The following PRKCA variants were observed in gnomAD, a reference collection of about 807,000 sequenced individuals.
The protein encoded by PRKCA is protein kinase C alpha.
A neutral mutation model predicts 87.0 loss-of-function variants in PRKCA; 27 were observed. The observed-to-expected ratio is 0.31, with a 90% CI of 0.23 to 0.43. The LOEUF is 0.43. Among genes scored for constraint, PRKCA ranks in the 20% least tolerant of loss-of-function variants. The pLI is 1.00. For synonymous variants in PRKCA, 329 were observed against 311.1 expected (o/e 1.06, Z -0.61); for missense variants, 518 against 852.3 (o/e 0.61, Z 4.88).
At chr17:66,793,194 AC>A in intron 16 of PRKCA, among the ~76,000 whole-genome samples, 1 of 152,276 alleles carries the variant, frequency 6.6e-6, no homozygotes, top group African/African-American at 2.4e-5. Context: ...GGACATGAGG[AC>A]GGTCAGCTCA....
At chr17:66,454,099 A>T (rs1307303490) in intron 2 of PRKCA, among the ~76,000 whole-genome samples, 1 of 152,252 alleles carries the variant, frequency 6.6e-6, no homozygotes. Context: ...AGCAGAATTA[A>T]TCTGAAATGA....
Position 66,788,925 on chromosome 17 carries a change from C to T in PRKCA, c.1800C>T (p.Ile600=), listed in dbSNP as rs1454458654. 7 of 1,613,906 alleles carry T rather than the reference C, an allele frequency of 4.3e-6. No homozygotes were observed. Among genetic ancestry groups the T allele is most frequent in the South Asian group, 1.1e-5 (1 of 91,062 alleles). ...GAGAGCATGCCTTCTTCCGGAGGAT[C>T]GACTGGGAAAAACTGGAGAACAGGG... is the stretch of plus-strand genomic sequence containing the variant. ...DVREHAFFRR[I]DWEKLENREI... The change falls in exon 16 of 17, where the codon ATC becomes ATT. Residue 600 remains isoleucine (I), a synonymous_variant. Transcript: ENST00000413366.
chr17:66,677,301 A>C (rs2143982126), intron 5 of PRKCA: 1 of 152,328 alleles, frequency 6.6e-6, no homozygotes, highest in South Asian at 2.1e-4. Flanking sequence ...GCTGGTCTCA[A>C]GCTCCTGAGC....
At chr17:66,347,259 C>T in intron 2 of PRKCA, among the ~76,000 whole-genome samples, 1 of 152,172 alleles carries the variant, frequency 6.6e-6, no homozygotes, top group East Asian at 1.9e-4. Flanking sequence ...TGTTTTACAT[C>T]CCTCTTCTGT....
Position 66,637,190 on chromosome 17 carries a change from A to G in PRKCA, c.289-4165A>G, listed in dbSNP as rs1052563950. ...AGTGAGTTGCCTGTGTGCCACATCA[A>G]TGGAGATCTATGTGACAACCAACTG... is the stretch of plus-strand genomic sequence containing the variant. On this transcript the variant is annotated intron_variant, in intron 3 of 16. Transcript: ENST00000413366. 7.1e-4 allele frequency among the ~76,000 whole-genome samples: 108 copies of G among 152,258 alleles called. 1 individual carries two copies. Among genetic ancestry groups the G allele is most frequent in the Non-Finnish European group, 3.4e-4 (23 of 68,016 alleles).
rs199510095 is a variant in PRKCA, at chr17:66,342,441, A to AAATAAT, written c.205+36353_205+36358dup. 6.6e-3 allele frequency among the ~76,000 whole-genome samples: 937 copies of AAATAAT among 142,950 alleles called. 7 individuals are homozygous for AAATAAT. Among genetic ancestry groups the AAATAAT allele is most frequent in the South Asian group, 0.013 (56 of 4,472 alleles). The allele number at this position is 142,950 out of a possible 152,430, so 93.8% of individuals were successfully genotyped here. On this transcript the variant is annotated intron_variant, in intron 2 of 16. Transcript: ENST00000413366. ...CATCTCAAAAAAAATAAAATAAAAT[A>AAATAAT]AATAATAATAATAATAATAATAATA...
intron 2 of PRKCA, among the ~76,000 whole-genome samples, chr17:66,327,898 T>G (rs2143261187): frequency 6.6e-6 from 1 of 152,268 alleles, no homozygotes; most frequent in South Asian, 2.1e-4. Flanking sequence ...TGAGACTACC[T>G]CTGCTGGAAT....
rs79267257 is a variant in PRKCA at position 66,420,666 on chromosome 17, T to C, written c.206-75535T>C. Among the ~76,000 whole-genome samples, 337 of 152,282 alleles carry C rather than the reference T, an allele frequency of 2.2e-3. 1 individual carries two copies. Among genetic ancestry groups the C allele is most frequent in the African/African-American group, 7.7e-3 (320 of 41,560 alleles). On this transcript the variant is annotated intron_variant, in intron 2 of 16. Transcript: ENST00000413366. ...GTTAGGTGTATTAAATGCACGACAA[T>C]ACTTTCAATATATGGTGGTTTTTCG... is the stretch of plus-strand genomic sequence containing the variant.
chr17:66,739,551 G>A (rs371421840), intron 11 of PRKCA, among the ~76,000 whole-genome samples: 13 of 152,252 alleles, frequency 8.5e-5, no homozygotes, highest in Admixed American at 5.2e-4. Context: ...TTAATAGTGC[G>A]TTGCTGTAAC....
At chr17:66,443,558 G>A (rs1306819304) in intron 2 of PRKCA, among the ~76,000 whole-genome samples, 2 of 152,186 alleles carry the variant, frequency 1.3e-5, no homozygotes, top group African/African-American at 4.8e-5. Flanking sequence ...GCAGGTAAAT[G>A]TCTGTTATGG....
Position 66,581,114 on chromosome 17 carries a change from T to C in PRKCA, c.289-60241T>C, listed in dbSNP as rs73342564. Among the ~76,000 whole-genome samples, 495 of 152,354 alleles carry C rather than the reference T, an allele frequency of 3.2e-3. 4 individuals carry two copies. Among genetic ancestry groups the C allele is most frequent in the African/African-American group, 0.012 (480 of 41,584 alleles). Reference sequence around the variant, plus strand: ...ACTGTGTTGTTTATAAATTGTTTTATGAGTGCATTAGTGCCTTGTTTATTT... The same window carrying C: ...ACTGTGTTGTTTATAAATTGTTTTACGAGTGCATTAGTGCCTTGTTTATTT... On this transcript the variant is annotated intron_variant, in intron 3 of 16. Coordinates refer to ENST00000413366, the MANE Select transcript of PRKCA (RefSeq NM_002737.3).
intron 3 of PRKCA, among the ~76,000 whole-genome samples, chr17:66,505,469 C>T (rs952552071): frequency 3.3e-5 from 5 of 152,196 alleles, no homozygotes; most frequent in African/African-American, 9.6e-5. Context: ...CACCTGGGGG[C>T]TTGTCAGCTG....
chr17:66,454,924 G>A (rs1211371625), intron 2 of PRKCA, among the ~76,000 whole-genome samples: 1 of 152,222 alleles, frequency 6.6e-6, no homozygotes, highest in African/African-American at 2.4e-5. Flanking sequence ...TGGGCCCTGG[G>A]GTGAGCCAGG....
At chr17:66,467,147 A>G (rs937182286) in intron 2 of PRKCA, among the ~76,000 whole-genome samples, 2 of 152,084 alleles carry the variant, frequency 1.3e-5, no homozygotes, top group African/African-American at 4.8e-5. Context: ...ATGTTGCCTC[A>G]TGCGCAGGAG....
At chr17:66,575,342 G>T (rs1012559344) in intron 3 of PRKCA, among the ~76,000 whole-genome samples, 4 of 152,222 alleles carry the variant, frequency 2.6e-5, no homozygotes. Flanking sequence ...ATTTTGGGAG[G>T]CCGCGGTGGG....
chr17:66,567,382 C>G lies in PRKCA; in HGVS notation c.288+71099C>G, dbSNP rs182186882. Among the ~76,000 whole-genome samples the G allele has an allele frequency of 3.9e-5, 6 of 152,194 alleles. 1 individual carries two copies. The East Asian group carries it at 1.2e-3, about 29-fold the overall frequency. On this transcript the variant is annotated intron_variant, in intron 3 of 16. Coordinates refer to ENST00000413366, the MANE Select transcript of PRKCA (RefSeq NM_002737.3). ...AGCCTCCTGGCTTCTGTGTGGCGAC[C>G]GAGACTGACCCCTGCTGGCAGATTG...
intron 5 of PRKCA, among the ~76,000 whole-genome samples, chr17:66,681,992 G>A (rs1377964497): frequency 6.6e-6 from 1 of 152,210 alleles, no homozygotes; most frequent in East Asian, 1.9e-4. Flanking sequence ...CCTGCACTGT[G>A]CCATCTACTG....
chr17:66,476,952 T>C (rs887444870), intron 2 of PRKCA, among the ~76,000 whole-genome samples: 1 of 152,196 alleles, frequency 6.6e-6, no homozygotes, highest in African/African-American at 2.4e-5. Flanking sequence ...TTAACAATCC[T>C]GCAAGGCTGG....
intron 2 of PRKCA, among the ~76,000 whole-genome samples, chr17:66,332,840 C>T (rs1010654167): frequency 4.6e-5 from 7 of 151,896 alleles, no homozygotes; most frequent in East Asian, 1.9e-4. Flanking sequence ...TACAGGTGCC[C>T]GCCACCACGC....
Sources: gnomAD v4.1 joint callset for allele counts (sites outside exome capture counted in the v4.1 genomes callset) on GRCh38, gnomAD v4.1.1 for gene constraint, MANE v1.5 for transcripts, NCBI Gene and HGNC (gene_info 2026-07-23, HGNC 2026-07-21) for gene names.